Variants in PDE4D observed in about 807,000 individuals in gnomAD.
PDE4D encodes phosphodiesterase 4D.
A neutral mutation model predicts 87.4 loss-of-function variants in PDE4D; 24 were observed. The ratio of observed to expected loss-of-function variants is 0.27; its 90% CI spans 0.20 to 0.39. The LOEUF (loss-of-function observed/expected upper bound fraction) is 0.39. Ranked by LOEUF, PDE4D falls within the 10% of genes least tolerant of loss-of-function variation. PDE4D has a pLI of 1.00. For missense variants in PDE4D, 714 were observed against 1,041.0 expected (o/e 0.69, Z 4.32); for synonymous variants, 384 against 383.2 (o/e 1.00, Z -0.02).
In PDE4D at chr5:60,413,381, A is replaced by G. The variant is rs558444319; in HGVS notation, c.-90+74561T>C. Among the ~76,000 whole-genome samples, 11 of 152,288 alleles carry G rather than the reference A, an allele frequency of 7.2e-5. No individual in the cohort carries two copies. The South Asian group carries it at 1.9e-3, about 26-fold the overall frequency. The stretch of plus-strand genomic sequence containing the variant: ...GCATCCCTTGCATGCATATTGCTCT[A>G]TGTTTTACATTGGTCCCAAAGGTAC... On this transcript the variant is annotated intron_variant, in intron 1 of 16. Coordinates refer to the PDE4D transcript ENST00000502484.
chr5:59,925,181 A>AAAAAAAAAAAG (rs1406475596), intron 3 of PDE4D, among the ~76,000 whole-genome samples: 67 of 151,392 alleles, frequency 4.4e-4, no homozygotes, highest in Non-Finnish European at 8.3e-4. Context: ...TCTCAAAAAA[A>AAAAAAAAAAAG]AAAGAAACAA....
At chr5:60,438,432 T>G (rs7725629) in intron 1 of PDE4D, among the ~76,000 whole-genome samples, 19,230 of 152,200 alleles carry the variant, frequency 0.13, 2,531 homozygotes, top group African/African-American at 0.33. Context: ...AGCTAATTTA[T>G]TTTTTGTATG....
At chr5:60,408,124 C>A (rs1006501907) in intron 1 of PDE4D, among the ~76,000 whole-genome samples, 5 of 152,108 alleles carry the variant, frequency 3.3e-5, no homozygotes, top group Non-Finnish European at 5.9e-5. Context: ...TTTATGTGAC[C>A]CCATCCTGGC....
At chr5:59,941,573 C>T (rs1413621916) in intron 3 of PDE4D, among the ~76,000 whole-genome samples, 1 of 152,318 alleles carries the variant, frequency 6.6e-6, no homozygotes, top group African/African-American at 2.4e-5. Context: ...TGAAGCCATG[C>T]CCTTTGGGAA....
At position 59,108,985 on chromosome 5, in the gene PDE4D, G is replaced by A. The variant is rs183641101; in HGVS notation, c.809-70014C>T. On this transcript the variant is annotated intron_variant, in intron 5 of 14. Transcript: ENST00000340635. ...TGTGTGTGTGTGTGTGTGTGTGTGT[G>A]TGTGTGTGTGTGTGTGTGGTGTAGG... is the stretch of plus-strand genomic sequence containing the variant. Among the ~76,000 whole-genome samples, 138 of 151,236 alleles carry A rather than the reference G, an allele frequency of 9.1e-4. 2 individuals carry two copies. The East Asian group carries it at 0.023, about 26-fold the overall frequency.
intron 1 of PDE4D, among the ~76,000 whole-genome samples, chr5:59,877,479 T>TAAAAA (rs70975344): frequency 2.0e-5 from 2 of 102,388 alleles, no homozygotes; most frequent in Non-Finnish European, 2.1e-5. Flanking sequence ...TGCCAGAACC[T>TAAAAA]AAAAAAAAAA....
At chr5:59,356,801 A>G (rs988862976) in intron 1 of PDE4D, 3 of 1,570,638 alleles carry the variant, frequency 1.9e-6, no homozygotes, top group Admixed American at 1.9e-5. Context: ...GCTCTTGTAG[A>G]TGGTCCTGGC....
At position 59,458,601 on chromosome 5, in the gene PDE4D, T is replaced by G. The variant is rs1406673383; in HGVS notation, c.456-242633A>C. Among the ~76,000 whole-genome samples, 4 of 152,182 alleles carry G rather than the reference T, an allele frequency of 2.6e-5. No homozygotes were observed. The East Asian group carries it at 7.7e-4, about 29-fold the overall frequency. On this transcript the variant is annotated intron_variant, in intron 1 of 14. Transcript: ENST00000340635. ...TTGAACTGCTTTGCATGTTAAAAAA[T>G]AACACATTTTGGGAATTAACTGTAC...
chr5:59,516,498 G>T (rs1284668490), intron 1 of PDE4D, among the ~76,000 whole-genome samples: 1 of 152,080 alleles, frequency 6.6e-6, no homozygotes, highest in Non-Finnish European at 1.5e-5. Context: ...CCTCCCTATT[G>T]CTCTAGAAGA....
intron 5 of PDE4D, among the ~76,000 whole-genome samples, chr5:59,155,427 A>T (rs1391257239): frequency 6.6e-6 from 1 of 152,164 alleles, no homozygotes; most frequent in African/African-American, 2.4e-5. Context: ...AACTAAGAAG[A>T]CAATTAGGAG....
chr5:60,050,261 G>T (rs987563450), intron 2 of PDE4D, among the ~76,000 whole-genome samples: 2 of 152,120 alleles, frequency 1.3e-5, no homozygotes, highest in Non-Finnish European at 2.9e-5. Context: ...TGCGCCCACT[G>T]TCTGGCACTC....
At position 59,885,175 on chromosome 5, in the gene PDE4D, T is replaced by C. The variant is rs574641852; in HGVS notation, c.455+7993A>G. Among the ~76,000 whole-genome samples, 6 of 152,240 alleles carry C rather than the reference T, an allele frequency of 3.9e-5. No homozygotes were observed. In the East Asian group the frequency reaches 9.6e-4, roughly 24 times the overall value. On this transcript the variant is annotated intron_variant, in intron 1 of 14. Transcript: ENST00000340635. ...GCCTTATTCTTGACCATTTATCCAG[T>C]TGGTTGAATAATTGGTTTATTTCTA... is the stretch of plus-strand genomic sequence containing the variant.
chr5:59,423,391 C>G (rs1794752566), intron 1 of PDE4D, among the ~76,000 whole-genome samples: 1 of 152,152 alleles, frequency 6.6e-6, no homozygotes, highest in African/African-American at 2.4e-5. Context: ...GGATTTCACA[C>G]TGCTTCCTTC....
intron 1 of PDE4D, among the ~76,000 whole-genome samples, chr5:59,551,935 G>A (rs1818192403): frequency 6.6e-6 from 1 of 152,034 alleles, no homozygotes; most frequent in Non-Finnish European, 1.5e-5. Context: ...AAAAGAATTG[G>A]CCGGGCACAG....
chr5:60,424,155 G>T (rs1337553319), intron 1 of PDE4D, among the ~76,000 whole-genome samples: 1 of 152,106 alleles, frequency 6.6e-6, no homozygotes, highest in Admixed American at 6.5e-5. Flanking sequence ...CCAATCAAAA[G>T]AAAAAGAGGG....
intron 2 of PDE4D, among the ~76,000 whole-genome samples, chr5:60,105,243 A>G (rs1021606023): frequency 6.6e-6 from 1 of 152,246 alleles, no homozygotes; most frequent in Non-Finnish European, 1.5e-5. Context: ...AATGCGATCA[A>G]CTGGAAGAAA....
chr5:60,269,119 C>T (rs1213531056), intron 1 of PDE4D, among the ~76,000 whole-genome samples: 1 of 152,100 alleles, frequency 6.6e-6, no homozygotes, highest in Non-Finnish European at 1.5e-5. Flanking sequence ...GCCTGGCCAA[C>T]ATGGTGAAAC....
At chr5:59,383,486 A>G (rs1246580001) in intron 1 of PDE4D, among the ~76,000 whole-genome samples, 2 of 152,092 alleles carry the variant, frequency 1.3e-5, no homozygotes, top group Non-Finnish European at 2.9e-5. Context: ...CTCCCCTGCT[A>G]TTGCACTATT....
rs528159041 is a variant in PDE4D at position 60,448,365 on chromosome 5, T to G, written c.-90+39577A>C. The stretch of plus-strand genomic sequence containing the variant: ...GACAGGATTTCTTGGAACAGAATGT[T>G]ATTAGTTCATAAATTTAAGGCAGGC... On this transcript the variant is annotated intron_variant, in intron 1 of 16. Coordinates refer to the PDE4D transcript ENST00000502484. Among the ~76,000 whole-genome samples the G allele has an allele frequency of 3.5e-4, 53 of 152,290 alleles. 1 individual carries two copies. The highest frequency in any genetic ancestry group is 3.3e-3 in the Admixed American group (50 of 15,300).
Sources: allele counts gnomAD v4.1 joint callset (sites outside exome capture counted in the v4.1 genomes callset), GRCh38; gene constraint gnomAD v4.1.1; transcripts MANE v1.5; gene names NCBI Gene and HGNC (gene_info 2026-07-23, HGNC 2026-07-21).